The following ZNF407 variants were observed in gnomAD, a reference collection of about 807,000 sequenced individuals.
The protein encoded by ZNF407 is zinc finger protein 407.
Under a neutral mutation model 131.2 loss-of-function variants are expected in ZNF407, and 17 were observed. The ratio of observed to expected loss-of-function variants is 0.13; its 90% confidence interval spans 0.09 to 0.19. The LOEUF is 0.19. Ranked by LOEUF, ZNF407 falls within the 10% of genes least tolerant of loss-of-function variation. The pLI, the probability that ZNF407 is intolerant of heterozygous loss-of-function variation, is 1.00. For missense variants in ZNF407, 2,681 were observed against 2,830.6 expected, an observed-to-expected ratio of 0.95 and a Z score of 1.20; for synonymous variants, 1,156 against 1,062.0, an observed-to-expected ratio of 1.09 and a Z score of -1.72.
chr18:74,979,818 G>A (rs1034702141), intron 8 of ZNF407, among the ~76,000 whole-genome samples: 5 of 152,066 alleles, frequency 3.3e-5, no homozygotes, highest in African/African-American at 4.8e-5. Context: ...ACCACTTTAC[G>A]TATCTGTGAT....
chr18:74,837,477 T>C (rs1423969061), intron 4 of ZNF407, among the ~76,000 whole-genome samples: 2 of 152,172 alleles, frequency 1.3e-5, no homozygotes, highest in Non-Finnish European at 2.9e-5. Context: ...TATCTTGTTA[T>C]TGTTACATTA....
intron 4 of ZNF407, among the ~76,000 whole-genome samples, chr18:74,823,261 G>A (rs1006190197): frequency 1.3e-5 from 2 of 152,114 alleles, no homozygotes; most frequent in Non-Finnish European, 2.9e-5. Flanking sequence ...AAAAACATAG[G>A]AAATTGTAAA....
chr18:74,628,923 G>T (rs1983925844), intron 1 of ZNF407, among the ~76,000 whole-genome samples: 1 of 152,056 alleles, frequency 6.6e-6, no homozygotes. Flanking sequence ...TTCATTGTGT[G>T]GATACCGCAT....
chr18:74,648,913 C>T lies in ZNF407; in HGVS notation c.4802+7791C>T, dbSNP rs75564518. The stretch of plus-strand genomic sequence containing the variant: ...TTTCCTACATCTTAGTCCTGGGGTA[C>T]TTGTCTTGTTTCTAATCGCTTCCGT... On this transcript the variant is annotated intron_variant, in intron 3 of 8. Coordinates refer to ENST00000299687, the MANE Select transcript of ZNF407 (RefSeq NM_017757.3). Among the ~76,000 whole-genome samples, 131 of 152,230 alleles carry T rather than the reference C, an allele frequency of 8.6e-4. 1 individual carries two copies. Among genetic ancestry groups the T allele is most frequent in the Non-Finnish European group, 1.5e-3 (100 of 68,022 alleles).
At chr18:74,681,393 G>A (rs1381884374) in intron 3 of ZNF407, among the ~76,000 whole-genome samples, 1 of 152,046 alleles carries the variant, frequency 6.6e-6, no homozygotes, top group Admixed American at 6.5e-5. Context: ...ACCAGTGCCT[G>A]CCACACACCT....
intron 4 of ZNF407, among the ~76,000 whole-genome samples, chr18:74,863,845 T>A (rs1448718324): frequency 6.6e-6 from 1 of 152,228 alleles, no homozygotes; most frequent in Non-Finnish European, 1.5e-5. Flanking sequence ...TTGCTGTTAC[T>A]ATTCCACCAC....
intron 4 of ZNF407, among the ~76,000 whole-genome samples, chr18:74,819,247 C>T (rs1177003020): frequency 6.6e-6 from 1 of 152,148 alleles, no homozygotes; most frequent in Non-Finnish European, 1.5e-5. Flanking sequence ...CTTGTTATAT[C>T]GGGGCTGAAT....
In ZNF407 at chr18:74,841,727, A is replaced by G. The variant is rs1198122534; in HGVS notation, c.4878-35470A>G. On this transcript the variant is annotated intron_variant, in intron 4 of 8. Transcript: ENST00000299687. ...TGTTTGTGTGTTTTGTTTTAGAGCAACACTGATGAATTTGAGCCATGTGCA... is the reference window on the plus strand; with the variant it reads ...TGTTTGTGTGTTTTGTTTTAGAGCAGCACTGATGAATTTGAGCCATGTGCA... Among the ~76,000 whole-genome samples the G allele has an allele frequency of 1.6e-4, 24 of 152,224 alleles. 1 individual carries two copies. The highest frequency in any genetic ancestry group is 1.6e-3 in the Admixed American group (24 of 15,278).
intron 5 of ZNF407, among the ~76,000 whole-genome samples, chr18:74,880,271 CT>C (rs1482090918): frequency 6.7e-6 from 1 of 148,812 alleles, no homozygotes; most frequent in Non-Finnish European, 1.5e-5. Flanking sequence ...TGTGAAAATG[CT>C]TAAAAAAATG....
At chr18:74,718,747 G>A (rs1967956091) in intron 3 of ZNF407, among the ~76,000 whole-genome samples, 1 of 152,042 alleles carries the variant, frequency 6.6e-6, no homozygotes, top group African/African-American at 2.4e-5. Flanking sequence ...TATTCACCTT[G>A]TATCCTATGA....
Position 75,065,309 on chromosome 18 carries a change from C to T in ZNF407, c.*841C>T, listed in dbSNP as rs1973699964. The T allele has an allele frequency of 6.6e-6, 1 of 152,208 alleles. No homozygotes were observed. Among genetic ancestry groups the T allele is most frequent in the Admixed American group, 6.5e-5 (1 of 15,282 alleles). 9.4% of individuals were successfully genotyped at this position (152,208 alleles called of 1,614,324 possible). Reference sequence around the variant, plus strand: ...CCTATCAATATTTTGCTTTTTATAACAAGGGTTTGTTCATATTGATGCCAT... The same window carrying T: ...CCTATCAATATTTTGCTTTTTATAATAAGGGTTTGTTCATATTGATGCCAT... On this transcript the variant is annotated 3_prime_UTR_variant, in exon 9 of 9. Coordinates refer to ENST00000299687, the MANE Select transcript of ZNF407 (RefSeq NM_017757.3).
At chr18:74,780,252 T>C (rs576676144) in intron 3 of ZNF407, among the ~76,000 whole-genome samples, 24 of 152,316 alleles carry the variant, frequency 1.6e-4, no homozygotes, top group African/African-American at 4.1e-4. Context: ...TGTAATATTA[T>C]ATGAAATTAA....
intron 3 of ZNF407, among the ~76,000 whole-genome samples, chr18:74,649,507 T>C (rs1053750700): frequency 2.0e-5 from 3 of 152,234 alleles, no homozygotes; most frequent in Non-Finnish European, 4.4e-5. Context: ...TTTGTGCTAG[T>C]CTGAAAAATT....
At position 74,631,980 on chromosome 18, in the gene ZNF407, C is replaced by T; in HGVS notation, c.961C>T (p.Arg321Ter). The T allele has an allele frequency of 6.2e-7, 1 of 1,613,882 alleles. No individual in the cohort carries two copies. Among genetic ancestry groups the T allele is most frequent in the African/African-American group, 1.3e-5 (1 of 75,008 alleles). The stretch of plus-strand genomic sequence containing the variant: ...AAAGAATAGTGATTCAAAAGGATTA[C>T]GAAATGTGGGAAGCACGTTTAAAGA... ...IAKNSDSKGL[R>*]NVGSTFKDFR... is the part of the protein sequence containing the mutation. Residue 321 changes from arginine to a stop codon, truncating the protein, a stop_gained, in exon 2 of 9, where the codon CGA becomes TGA. Coordinates refer to ENST00000299687, the MANE Select transcript of ZNF407 (RefSeq NM_017757.3). LOFTEE classifies it high-confidence loss of function.
chr18:74,821,705 A>G (rs897091214), intron 4 of ZNF407, among the ~76,000 whole-genome samples: 2 of 152,106 alleles, frequency 1.3e-5, no homozygotes, highest in East Asian at 1.9e-4. Context: ...AGTCTTTGCT[A>G]TTGTGAATAG....
intron 3 of ZNF407, among the ~76,000 whole-genome samples, chr18:74,674,446 C>G (rs1293234516): frequency 6.6e-6 from 1 of 150,456 alleles, no homozygotes; most frequent in Non-Finnish European, 1.5e-5. Context: ...CTTCATCTTA[C>G]CAAATTCTCT....
chr18:74,852,358 C>T (rs1970801905), intron 4 of ZNF407, among the ~76,000 whole-genome samples: 1 of 151,950 alleles, frequency 6.6e-6, no homozygotes, highest in South Asian at 2.1e-4. Flanking sequence ...AGTATTTATA[C>T]CTAAAAAAGA....
At chr18:74,855,390 C>T (rs962583850) in intron 4 of ZNF407, among the ~76,000 whole-genome samples, 1 of 147,548 alleles carries the variant, frequency 6.8e-6, no homozygotes, top group Non-Finnish European at 1.5e-5. Flanking sequence ...AATTGTTTAA[C>T]AGTCGTTGGA....
chr18:74,755,771 T>TTCTTTCTTTCTTTCTTTCTTTC (rs1265035731), intron 3 of ZNF407, among the ~76,000 whole-genome samples: 10 of 130,584 alleles, frequency 7.7e-5, no homozygotes, highest in East Asian at 2.2e-4. Flanking sequence ...CTTTCTTTCT[T>TTCTTTCTTTCTTTCTTTCTTTC]TCTCTCTCTC....
Sources: allele counts gnomAD v4.1 joint callset (sites outside exome capture counted in the v4.1 genomes callset), GRCh38; gene constraint gnomAD v4.1.1; transcripts MANE v1.5; gene names NCBI Gene and HGNC (gene_info 2026-07-23, HGNC 2026-07-21).